The following DNAH12 variants were observed in gnomAD, a reference collection of about 807,000 sequenced individuals.
DNAH12 encodes dynein axonemal heavy chain 12.
DNAH12 carries 285 observed loss-of-function variants against 371.5 expected under a neutral mutation model. The observed-to-expected ratio is 0.77, with a 90% confidence interval of 0.70 to 0.85. DNAH12 has a LOEUF of 0.85. DNAH12 is among the 40% of genes least tolerant of loss of function. The pLI, the probability that DNAH12 is intolerant of heterozygous loss-of-function variation, is 0.00. For missense variants in DNAH12, 3,611 were observed against 3,689.4 expected, an observed-to-expected ratio of 0.98 and a Z score of 0.55; for synonymous variants, 1,200 against 1,213.0, an observed-to-expected ratio of 0.99 and a Z score of 0.22.
chr3:57,531,384 T>C (rs1418862907), intron 2 of DNAH12, among the ~76,000 whole-genome samples: 1 of 152,214 alleles, frequency 6.6e-6, no homozygotes, highest in Admixed American at 6.5e-5. Context: ...CCAGACATAC[T>C]GGAGTTCCAT....
At chr3:57,538,828 C>T (rs1186233377) in intron 2 of DNAH12, among the ~76,000 whole-genome samples, 2 of 152,192 alleles carry the variant, frequency 1.3e-5, no homozygotes, top group East Asian at 3.8e-4. Context: ...CAAATTTTTA[C>T]ATCTCCAGCC....
At chr3:57,533,106 G>A (rs572581172) in intron 2 of DNAH12, among the ~76,000 whole-genome samples, 26 of 152,162 alleles carry the variant, frequency 1.7e-4, no homozygotes, top group Admixed American at 2.6e-4. Flanking sequence ...CTCACCCCAC[G>A]GCCACCAATG....
intron 6 of DNAH12, 21 bp from the exon 7 acceptor site, chr3:57,508,561 A>G: frequency 6.3e-7 from 1 of 1,598,494 alleles, no homozygotes; most frequent in Non-Finnish European, 8.5e-7. Context: ...AAAACACCAT[A>G]TCAAACATGA....
At chr3:57,397,286 A>C (rs1190548334) in intron 43 of DNAH12, among the ~76,000 whole-genome samples, 3 of 151,992 alleles carry the variant, frequency 2.0e-5, no homozygotes, top group Admixed American at 2.0e-4. Flanking sequence ...CAGCACCCAG[A>C]AAAGAGCATG....
intron 41 of DNAH12, 108 bp from the exon 42 acceptor site, chr3:57,405,255 C>G (rs969348528): frequency 2.1e-6 from 2 of 953,010 alleles, no homozygotes; most frequent in Admixed American, 6.8e-5. Flanking sequence ...AGTTTTTAAA[C>G]ATTAGGGTAG....
chr3:57,437,081 G>T, intron 29 of DNAH12, 21 bp from the exon 30 acceptor site: 1 of 1,434,944 alleles, frequency 7.0e-7, no homozygotes, highest in Admixed American at 2.4e-5. Flanking sequence ...AAAAAGTAAT[G>T]CATTTCTACA....
chr3:57,496,054 GA>G (rs1356314971), intron 11 of DNAH12, among the ~76,000 whole-genome samples: 1 of 150,368 alleles, frequency 6.7e-6, no homozygotes, highest in Non-Finnish European at 1.5e-5. Flanking sequence ...TGTTCATCAA[GA>G]AAACATAACA....
intron 8 of DNAH12, among the ~76,000 whole-genome samples, chr3:57,505,318 G>C (rs113690278): frequency 0.013 from 1,860 of 141,104 alleles, 24 homozygotes; most frequent in African/African-American, 0.047. Flanking sequence ...ATCTCCATTA[G>C]TTCAACTGTT....
intron 37 of DNAH12, 128 bp from the exon 38 acceptor site, chr3:57,415,692 T>C: frequency 1.1e-6 from 1 of 874,832 alleles, no homozygotes; most frequent in East Asian, 3.0e-5. Flanking sequence ...CATTTTTACC[T>C]ATAGTTATTT....
At chr3:57,325,390 T>A (rs1311734744) in intron 62 of DNAH12, among the ~76,000 whole-genome samples, 1 of 152,144 alleles carries the variant, frequency 6.6e-6, no homozygotes, top group East Asian at 1.9e-4. Context: ...AGAGGAACGA[T>A]CAGATAGCAG....
At chr3:57,479,967 A>G (rs976575219) in intron 13 of DNAH12, among the ~76,000 whole-genome samples, 13 of 152,244 alleles carry the variant, frequency 8.5e-5, no homozygotes, top group African/African-American at 2.9e-4. Context: ...AAGAGAAAGC[A>G]GGAAAGGTCC....
intron 58 of DNAH12, among the ~76,000 whole-genome samples, chr3:57,362,587 T>C (rs2062960305): frequency 6.6e-6 from 1 of 152,222 alleles, no homozygotes. Context: ...TATCTCATTG[T>C]GGTTTTGATT....
At position 57,323,564 on chromosome 3, in the gene DNAH12, T is replaced by G. The variant is rs1481667289; in HGVS notation, c.10034A>C (p.Glu3345Ala). The G allele has an allele frequency of 6.5e-7, 1 of 1,550,330 alleles. No homozygotes were observed. Among genetic ancestry groups the G allele is most frequent in the Non-Finnish European group, 8.7e-7 (1 of 1,146,680 alleles). Residue 3345 changes from glutamate to alanine, a missense_variant, in exon 63 of 74, where the codon GAG (glutamate) becomes GCG (alanine). Around this residue, in one of 3 missense-constraint regions of DNAH12, gnomAD observed 2,266 missense variants for 2,236.9 expected, o/e 1.01. Transcript: ENST00000495027. ...VTDKLGKKFVEPPPFDLTKSY... is the reference protein window; with the variant it reads ...VTDKLGKKFVAPPPFDLTKSY... ...CTTTGTCAAATCAAATGGTGGAGGC[T>G]CTACAAACTTTTTCCCTAGTTTGTC...
In DNAH12 at chr3:57,322,477, C is replaced by T. The variant is rs1305461629; in HGVS notation, c.10390G>A (p.Val3464Ile). Reference protein sequence around the residue: ...LTSYPSSKFPVTILQNGVKMT... With the variant: ...LTSYPSSKFPITILQNGVKMT... ...TTTACTCCATTCTGTAGAATTGTTA[C>T]TGGGAACTAAGACAAAATAAATGGA... The change falls in exon 65 of 74, where the codon GTA becomes ATA. Residue 3464 changes from valine (V) to isoleucine (I), a missense_variant. Val to Ile is a conservative substitution (Grantham distance 29). Coordinates refer to ENST00000495027, the MANE Select transcript of DNAH12 (RefSeq NM_001366028.2). 1 of 1,551,314 alleles carries T rather than the reference C, an allele frequency of 6.4e-7. No individual in the cohort carries two copies. Among genetic ancestry groups the T allele is most frequent in the Non-Finnish European group, 8.7e-7 (1 of 1,146,850 alleles).
At chr3:57,539,503 GTCT>G (rs1025882850) in intron 2 of DNAH12, among the ~76,000 whole-genome samples, 23 of 152,090 alleles carry the variant, frequency 1.5e-4, no homozygotes, top group Non-Finnish European at 1.0e-4. Flanking sequence ...TTAGATGACA[GTCT>G]TCTTCTCATT....
chr3:57,401,815 CACAACCA>C (rs2063877842), intron 43 of DNAH12, among the ~76,000 whole-genome samples: 1 of 151,856 alleles, frequency 6.6e-6, no homozygotes, highest in Non-Finnish European at 1.5e-5. Context: ...ACTCTGGTAG[CACAACCA>C]ATGCCACAGA....
At chr3:57,444,063 TG>T (rs999582296) in intron 29 of DNAH12, among the ~76,000 whole-genome samples, 176 of 151,956 alleles carry the variant, frequency 1.2e-3, no homozygotes, top group African/African-American at 4.0e-3. Context: ...TAGCTGGGCA[TG>T]GTGGCGCTTG....
At position 57,483,424 on chromosome 3, in the gene DNAH12, T is replaced by C. The variant is rs770379849; in HGVS notation, c.1602A>G (p.Val534=). The change falls in exon 13 of 74, where the codon GTA becomes GTG. Residue 534 remains valine (V), a synonymous_variant. Coordinates refer to ENST00000495027, the MANE Select transcript of DNAH12 (RefSeq NM_001366028.2). ...TEEMMDLISY[V]EKARTVGIEE... ...CGATTCCTACAGTCCGGGCTTTTTC[T>C]ACATAAGATATCAGATCCATCATCT... The C allele has an allele frequency of 8.4e-6, 13 of 1,551,286 alleles. No individual in the cohort carries two copies. In the African/African-American group the frequency reaches 1.8e-4, roughly 21 times the overall value.
intron 69 of DNAH12, among the ~76,000 whole-genome samples, chr3:57,304,498 A>G (rs1394392359): frequency 6.6e-6 from 1 of 151,870 alleles, no homozygotes; most frequent in East Asian, 1.9e-4. Flanking sequence ...CCAAACTTCA[A>G]TCTCTCTCTT....
Sources: allele counts gnomAD v4.1 joint callset (sites outside exome capture counted in the v4.1 genomes callset), GRCh38; gene constraint gnomAD v4.1.1; regional missense constraint gnomAD v4.1.1; transcripts MANE v1.5; gene names NCBI Gene and HGNC (gene_info 2026-07-23, HGNC 2026-07-21).